Variants in PCGF5 observed in about 807,000 individuals in gnomAD.
The protein encoded by PCGF5 is polycomb group ring finger 5, also known as polycomb group RING finger protein 5.
PCGF5 carries 9 observed loss-of-function variants against 44.3 expected under a neutral mutation model. The observed-to-expected ratio is 0.20, with a 90% CI of 0.12 to 0.35. PCGF5 has a LOEUF of 0.35. PCGF5 is among the 10% of genes least tolerant of loss of function. The pLI, the probability that PCGF5 is intolerant of heterozygous loss-of-function variation, is 1.00. For synonymous variants in PCGF5, 95 were observed against 102.5 expected, an observed-to-expected ratio of 0.93 and a Z score of 0.44; for missense variants, 146 against 305.3, an observed-to-expected ratio of 0.48 and a Z score of 3.89.
intron 1 of PCGF5, among the ~76,000 whole-genome samples, chr10:91,191,086 A>T (rs1042785034): frequency 1.3e-5 from 2 of 152,204 alleles, no homozygotes; most frequent in Non-Finnish European, 2.9e-5. Flanking sequence ...GATACCATGG[A>T]TAATACTGAA....
rs1846472465 is a variant in PCGF5, at chr10:91,282,236, G to GGC, written c.*3920_*3921insGC. 3 of 152,228 alleles carry GGC rather than the reference G, an allele frequency of 2.0e-5. No individual in the cohort carries two copies. The highest frequency in any genetic ancestry group is 7.2e-5 in the African/African-American group (3 of 41,450). 9.4% of individuals were successfully genotyped at this position (152,228 alleles called of 1,614,324 possible). On this transcript the variant is annotated 3_prime_UTR_variant, in exon 10 of 10. Transcript: ENST00000336126. ...ACAGTGGCTCATGCCTGTAATCCCAGCACTTTGGGAGGCCAAGGCAGGTGG... is the reference window on the plus strand; with the variant it reads ...ACAGTGGCTCATGCCTGTAATCCCAGGCCACTTTGGGAGGCCAAGGCAGGTGG...
chr10:91,190,478 A>G (rs543442926), intron 1 of PCGF5, among the ~76,000 whole-genome samples: 1 of 152,308 alleles, frequency 6.6e-6, no homozygotes, highest in East Asian at 1.9e-4. Flanking sequence ...CCATGTATAA[A>G]ACATGAGATT....
At chr10:91,161,571 C>T (rs1202088825), upstream of PCGF5, among the ~76,000 whole-genome samples, 1 of 152,192 alleles carries the variant, frequency 6.6e-6, no homozygotes, top group Non-Finnish European at 1.5e-5. Flanking sequence ...TCACCGCCAG[C>T]CTTGGCTTAA....
intron 1 of PCGF5, among the ~76,000 whole-genome samples, chr10:91,172,437 C>T (rs1401519204): frequency 2.0e-5 from 3 of 152,140 alleles, no homozygotes; most frequent in African/African-American, 7.2e-5. Context: ...AAAAAATGCC[C>T]TCTAGGGCAG....
intron 1 of PCGF5, among the ~76,000 whole-genome samples, chr10:91,171,688 G>A (rs995100519): frequency 2.0e-5 from 3 of 152,292 alleles, no homozygotes; most frequent in African/African-American, 4.8e-5. Context: ...GTGAAGGAAA[G>A]GGAAAAACGA....
At chr10:91,271,199 C>G (rs141173563) in intron 8 of PCGF5, among the ~76,000 whole-genome samples, 1 of 151,794 alleles carries the variant, frequency 6.6e-6, no homozygotes. Context: ...ACAGGTTGAG[C>G]GGAGTTCCAC....
Position 91,189,372 on chromosome 10 carries a change from T to G in PCGF5, c.-184+26291T>G, listed in dbSNP as rs1292802918. Among the ~76,000 whole-genome samples the G allele has an allele frequency of 2.6e-5, 4 of 152,186 alleles. No homozygotes were observed. The East Asian group carries it at 7.7e-4, about 29-fold the overall frequency. The stretch of plus-strand genomic sequence containing the variant: ...CTCAGCAAAGGCAGGGAGGTGATGT[T>G]TTGAAATCCCAGTTTACAACATGGT... On this transcript the variant is annotated intron_variant, in intron 1 of 9. Transcript: ENST00000614189.
chr10:91,204,857 T>G (rs1844315668), intron 1 of PCGF5, among the ~76,000 whole-genome samples: 1 of 152,326 alleles, frequency 6.6e-6, no homozygotes, highest in Non-Finnish European at 1.5e-5. Flanking sequence ...ATAAATGCCT[T>G]TATCTGGGCA....
chr10:91,220,454 C>A (rs1201678485), upstream of PCGF5: 1 of 152,760 alleles, frequency 6.5e-6, no homozygotes, highest in Non-Finnish European at 1.5e-5. Flanking sequence ...AATATTTGGC[C>A]AGAGCTACGT....
rs566575200 is a variant in PCGF5, at chr10:91,281,484, T to C, written c.*3168T>C. ...CTAAAGTGCATTTCTGTTTTAAATT[T>C]ACTGCATAAAGTTTGAGTTATCTGT... On this transcript the variant is annotated 3_prime_UTR_variant, in exon 10 of 10. Coordinates refer to ENST00000336126, the MANE Select transcript of PCGF5 (RefSeq NM_032373.5). 6.5e-6 allele frequency: 1 copy of C among 152,746 alleles called. No individual in the cohort carries two copies. The highest frequency in any genetic ancestry group is 2.4e-5 in the African/African-American group (1 of 41,604). 9.5% of individuals were successfully genotyped at this position (152,746 alleles called of 1,614,324 possible). A position where few individuals can be genotyped will look rare whatever the true frequency, so the allele number is the denominator to read the frequency against.
chr10:91,207,534 A>C (rs958367312), intron 1 of PCGF5, among the ~76,000 whole-genome samples: 1 of 152,218 alleles, frequency 6.6e-6, no homozygotes, highest in African/African-American at 2.4e-5. Context: ...GAAAGGACAT[A>C]CAGTTACTAT....
rs141697254 is a variant in PCGF5 at position 91,184,336 on chromosome 10, C to T, written c.-184+21255C>T. 6.2e-4 allele frequency among the ~76,000 whole-genome samples: 95 copies of T among 152,170 alleles called. No homozygotes were observed. The East Asian group carries it at 0.017, about 27-fold the overall frequency. On this transcript the variant is annotated intron_variant, in intron 1 of 9. Coordinates refer to the PCGF5 transcript ENST00000614189. ...GTCTTTAAGCTCTGAGATTCCTCTACGTGGTCTATTCTGATATTAATACTT... is the reference window on the plus strand; with the variant it reads ...GTCTTTAAGCTCTGAGATTCCTCTATGTGGTCTATTCTGATATTAATACTT...
At chr10:91,269,127 C>T (rs1846116503) in intron 8 of PCGF5, among the ~76,000 whole-genome samples, 1 of 152,128 alleles carries the variant, frequency 6.6e-6, no homozygotes, top group Admixed American at 6.6e-5. Context: ...CAGCAAACTC[C>T]CAGGAGATGC....
At position 91,279,338 on chromosome 10, in the gene PCGF5, C is replaced by T. The variant is rs887483420; in HGVS notation, c.*1022C>T. The T allele has an allele frequency of 6.6e-6, 1 of 152,122 alleles. No homozygotes were observed. Among genetic ancestry groups the T allele is most frequent in the African/African-American group, 2.4e-5 (1 of 41,424 alleles). 9.4% of individuals were successfully genotyped at this position (152,122 alleles called of 1,614,324 possible). A position where few individuals can be genotyped will look rare whatever the true frequency, so the allele number is the denominator to read the frequency against. On this transcript the variant is annotated 3_prime_UTR_variant, in exon 10 of 10. Coordinates refer to ENST00000336126, the MANE Select transcript of PCGF5 (RefSeq NM_032373.5). ...GTCTCAAAACAGTTGTAGATTAAAA[C>T]TGTTAGTTACCTTTCACATTTCCAA...
intron 7 of PCGF5, among the ~76,000 whole-genome samples, chr10:91,263,719 G>A (rs1845980139): frequency 6.6e-6 from 1 of 152,190 alleles, no homozygotes; most frequent in African/African-American, 2.4e-5. Context: ...GCAACTTCGA[G>A]CAAAACTTAA....
chr10:91,182,046 C>G (rs955081531), intron 1 of PCGF5, among the ~76,000 whole-genome samples: 1 of 152,020 alleles, frequency 6.6e-6, no homozygotes, highest in African/African-American at 2.4e-5. Context: ...AGAAATTTAT[C>G]AATTTTTTCT....
chr10:91,261,852 C>T (rs548852876), intron 7 of PCGF5, among the ~76,000 whole-genome samples: 12 of 152,254 alleles, frequency 7.9e-5, no homozygotes, highest in Middle Eastern at 3.4e-3. Context: ...ATCACATTTC[C>T]GTGAAATGCA....
At chr10:91,198,556 A>G (rs1056601469) in intron 1 of PCGF5, among the ~76,000 whole-genome samples, 1 of 152,214 alleles carries the variant, frequency 6.6e-6, no homozygotes, top group Admixed American at 6.5e-5. Flanking sequence ...TTGGCAAAGC[A>G]GCATCACTGG....
intron 3 of PCGF5, among the ~76,000 whole-genome samples, chr10:91,240,866 A>C: frequency 6.6e-6 from 1 of 151,764 alleles, no homozygotes; most frequent in East Asian, 1.9e-4. Context: ...TTAATAGTCC[A>C]TGTTATGTTG....
Sources: allele counts gnomAD v4.1 joint callset (sites outside exome capture counted in the v4.1 genomes callset), GRCh38; gene constraint gnomAD v4.1.1; transcripts MANE v1.5; gene names NCBI Gene and HGNC (gene_info 2026-07-23, HGNC 2026-07-21).